CNTN5: variants seen among roughly 807,000 people sequenced by gnomAD.
CNTN5 encodes contactin-5.
CNTN5 carries 77 observed loss-of-function variants against 129.1 expected under a neutral mutation model. That is an observed-to-expected ratio of 0.60 (90% CI 0.50 to 0.72). The LOEUF is 0.72. Ranked by LOEUF, CNTN5 falls within the 30% of genes least tolerant of loss-of-function variation. The pLI is 0.00. For missense variants in CNTN5, 1,478 were observed against 1,328.8 expected (o/e 1.11, Z -1.75); for synonymous variants, 509 against 465.6 (o/e 1.09, Z -1.20).
intron 2 of CNTN5, among the ~76,000 whole-genome samples, chr11:99,460,313 T>C (rs913999540): frequency 9.9e-5 from 15 of 151,590 alleles, no homozygotes; most frequent in African/African-American, 3.6e-4. Flanking sequence ...TAAGAAATTA[T>C]TTAAGAAATA....
At chr11:100,150,179 A>G (rs1281885198) in intron 13 of CNTN5, among the ~76,000 whole-genome samples, 11 of 152,178 alleles carry the variant, frequency 7.2e-5, no homozygotes, top group Admixed American at 3.9e-4. Flanking sequence ...TATCACCTAT[A>G]GAGAGAAGAT....
chr11:99,786,959 T>C (rs891625658), intron 3 of CNTN5, among the ~76,000 whole-genome samples: 2 of 152,188 alleles, frequency 1.3e-5, no homozygotes, highest in African/African-American at 4.8e-5. Flanking sequence ...AATTCTTATT[T>C]AGATAACTTC....
At chr11:99,644,774 A>G (rs1421683617) in intron 3 of CNTN5, among the ~76,000 whole-genome samples, 1 of 152,152 alleles carries the variant, frequency 6.6e-6, no homozygotes, top group African/African-American at 2.4e-5. Flanking sequence ...TTTTGTTCTA[A>G]TATGTTGTTT....
intron 3 of CNTN5, among the ~76,000 whole-genome samples, chr11:99,770,259 CA>C (rs1429144011): frequency 6.6e-6 from 1 of 151,956 alleles, no homozygotes; most frequent in Non-Finnish European, 1.5e-5. Flanking sequence ...AATATAAAAA[CA>C]TTTACATGGT....
intron 6 of CNTN5, among the ~76,000 whole-genome samples, chr11:99,907,446 G>A (rs915988078): frequency 6.6e-5 from 10 of 151,846 alleles, no homozygotes; most frequent in Non-Finnish European, 8.8e-5. Flanking sequence ...CTTCAAATAA[G>A]GAACAAAACT....
At chr11:99,768,272 T>C (rs1944824656) in intron 3 of CNTN5, among the ~76,000 whole-genome samples, 2 of 152,162 alleles carry the variant, frequency 1.3e-5, no homozygotes, top group Non-Finnish European at 2.9e-5. Context: ...TGGATGTATA[T>C]GTACACAAAT....
At chr11:99,075,245 G>A (rs531146764) in intron 1 of CNTN5, among the ~76,000 whole-genome samples, 2 of 152,070 alleles carry the variant, frequency 1.3e-5, no homozygotes, top group African/African-American at 4.8e-5. Context: ...AAATGTTCAT[G>A]TCAATATGAT....
intron 1 of CNTN5, among the ~76,000 whole-genome samples, chr11:99,235,006 C>T (rs1318515799): frequency 6.6e-6 from 1 of 150,404 alleles, no homozygotes; most frequent in Non-Finnish European, 1.5e-5. Flanking sequence ...CTGTTTGAGG[C>T]AGGCCTTTTT....
chr11:100,337,514 C>G (rs1321241872), intron 21 of CNTN5: 1 of 741,342 alleles, frequency 1.3e-6, no homozygotes, highest in Non-Finnish European at 2.5e-6. Flanking sequence ...AGAACCAGCT[C>G]AAACGCATGT....
At chr11:99,483,174 CAAAAAAAAA>C (rs34200342) in intron 2 of CNTN5, among the ~76,000 whole-genome samples, 2 of 59,552 alleles carry the variant, frequency 3.4e-5, no homozygotes, top group African/African-American at 1.5e-4. Flanking sequence ...GACTCCTTCT[CAAAAAAAAA>C]AAAAAAAAAA....
At chr11:100,160,627 C>T (rs1947415984) in intron 13 of CNTN5, among the ~76,000 whole-genome samples, 1 of 151,784 alleles carries the variant, frequency 6.6e-6, no homozygotes, top group African/African-American at 2.4e-5. Context: ...TACATTTCTC[C>T]AAAATCACAA....
At chr11:100,250,924 G>A (rs532092716) in intron 16 of CNTN5, among the ~76,000 whole-genome samples, 5 of 152,220 alleles carry the variant, frequency 3.3e-5, no homozygotes, top group South Asian at 2.1e-4. Context: ...GCACATAGGC[G>A]GTTGTTAAAT....
intron 2 of CNTN5, among the ~76,000 whole-genome samples, chr11:99,402,723 C>T (rs757726927): frequency 1.3e-3 from 199 of 152,022 alleles, no homozygotes; most frequent in Non-Finnish European, 2.3e-3. Context: ...TACTGGGAGA[C>T]TTTATTACAG....
intron 1 of CNTN5, among the ~76,000 whole-genome samples, chr11:99,255,680 A>G (rs1039605663): frequency 4.6e-5 from 7 of 151,594 alleles, no homozygotes; most frequent in African/African-American, 1.7e-4. Context: ...AAAGCTTCAT[A>G]GTAAGTATGA....
chr11:100,296,274 A>G (rs961304333), intron 18 of CNTN5, among the ~76,000 whole-genome samples: 2 of 151,610 alleles, frequency 1.3e-5, no homozygotes, highest in Admixed American at 6.6e-5. Context: ...ACTAATACGT[A>G]ACTCAATAAA....
intron 3 of CNTN5, among the ~76,000 whole-genome samples, chr11:99,567,376 T>TC (rs965215259): frequency 2.0e-5 from 3 of 151,068 alleles, no homozygotes; most frequent in Admixed American, 1.3e-4. Flanking sequence ...ATTTTTTTTT[T>TC]CTCTACTTTG....
chr11:99,290,014 G>A (rs545345370), intron 1 of CNTN5, among the ~76,000 whole-genome samples: 1 of 151,464 alleles, frequency 6.6e-6, no homozygotes, highest in Non-Finnish European at 1.5e-5. Flanking sequence ...TTTTTAAATT[G>A]TATAAAGACA....
chr11:99,726,250 G>T (rs954527858), intron 3 of CNTN5, among the ~76,000 whole-genome samples: 4 of 152,200 alleles, frequency 2.6e-5, no homozygotes, highest in African/African-American at 9.7e-5. Flanking sequence ...GAAGTTACTT[G>T]TCTGGGAGAT....
In CNTN5 at chr11:99,227,071, G is replaced by A. The variant is rs138392472; in HGVS notation, c.-209-98275G>A. ...ACTGCAAAACAGCTCTTAAAATTAT[G>A]ATAAGGTGGCCACACGCAGTGGCTC... On this transcript the variant is annotated intron_variant, in intron 1 of 24. Transcript: ENST00000524871. Among the ~76,000 whole-genome samples the A allele has an allele frequency of 1.8e-4, 27 of 152,154 alleles. No homozygotes were observed. In the East Asian group the frequency reaches 3.5e-3, roughly 20 times the overall value.
Sources: allele counts gnomAD v4.1 joint callset (sites outside exome capture counted in the v4.1 genomes callset), GRCh38; gene constraint gnomAD v4.1.1; transcripts MANE v1.5; gene names NCBI Gene and HGNC (gene_info 2026-07-23, HGNC 2026-07-21).